The following MAPK8IP3 variants were observed in gnomAD, a reference collection of about 807,000 sequenced individuals.
MAPK8IP3 encodes the protein mitogen-activated protein kinase 8 interacting protein 3, also known as C-Jun-amino-terminal kinase-interacting protein 3.
MAPK8IP3 carries 49 observed loss-of-function variants against 157.8 expected under a neutral mutation model. The observed-to-expected ratio is 0.31, with a 90% CI of 0.25 to 0.39. MAPK8IP3 has a LOEUF of 0.39. MAPK8IP3 is among the 10% of genes least tolerant of loss of function. The pLI is 1.00. For missense variants in MAPK8IP3, 1,478 were observed against 1,889.4 expected, an observed-to-expected ratio of 0.78 and a Z score of 4.04; for synonymous variants, 897 against 777.7, an observed-to-expected ratio of 1.15 and a Z score of -2.55.
chr16:1,765,869 C>T, intron 20 of MAPK8IP3, 91 bp from the exon 21 acceptor site: 1 of 1,235,508 alleles, frequency 8.1e-7, no homozygotes, highest in South Asian at 1.4e-5. Context: ...GAAGGCCAGC[C>T]CCGGCTTCCT....
At chr16:1,764,957 T>C (rs2042171602) in intron 19 of MAPK8IP3, 56 bp from the exon 20 acceptor site, 5 of 1,551,174 alleles carry the variant, frequency 3.2e-6, no homozygotes, top group Non-Finnish European at 4.4e-6. Flanking sequence ...GGCCCTGTGC[T>C]GCCACCGGGT....
chr16:1,706,386 A>G lies in MAPK8IP3; in HGVS notation c.47A>G (p.Gln16Arg), dbSNP rs2142247524. ...GAGGGCGGCGGCGTGGTGGTGTACCAGGACGACTACTGCTCCGGCTCGGTG... is the reference window on the plus strand; with the variant it reads ...GAGGGCGGCGGCGTGGTGGTGTACCGGGACGACTACTGCTCCGGCTCGGTG... ...MDEGGGVVVYQDDYCSGSVMS... is the reference protein window; with the variant it reads ...MDEGGGVVVYRDDYCSGSVMS... The change falls in exon 1 of 32, where the codon CAG becomes CGG. Residue 16 changes from glutamine (Q) to arginine (R), a missense_variant. Transcript: ENST00000610761. The surrounding 1 kb of genome is among the most constrained non-coding windows in gnomAD (Gnocchi z 5.1). The G allele has an allele frequency of 6.2e-7, 1 of 1,612,184 alleles. No individual in the cohort carries two copies. The highest frequency in any genetic ancestry group is 8.5e-7 in the Non-Finnish European group (1 of 1,179,468).
intron 2 of MAPK8IP3, among the ~76,000 whole-genome samples, chr16:1,726,955 CGTGTGCTGTGTGCAGTGTCTGTGTGTT>C (rs1220312784): frequency 7.2e-5 from 11 of 152,072 alleles, no homozygotes; most frequent in African/African-American, 2.4e-4. Flanking sequence ...GTCTATAACT[CGTGTGCTGTGTGCAGTGTCTGTGTGTT>C]GTGTGCTGTG....
chr16:1,735,759 C>T (rs996220855), intron 4 of MAPK8IP3, among the ~76,000 whole-genome samples: 1 of 134,496 alleles, frequency 7.4e-6, no homozygotes, highest in Non-Finnish European at 1.6e-5. Context: ...ATGTGAGCAT[C>T]CGTGTGACCG....
intron 4 of MAPK8IP3, among the ~76,000 whole-genome samples, chr16:1,734,232 G>A (rs546035666): frequency 3.9e-5 from 6 of 152,398 alleles, no homozygotes; most frequent in South Asian, 2.1e-4. Context: ...TGGCGGCCCT[G>A]TCTCCCTGAG....
chr16:1,708,669 C>T (rs980128376), intron 1 of MAPK8IP3, among the ~76,000 whole-genome samples: 15 of 152,160 alleles, frequency 9.9e-5, no homozygotes, highest in Admixed American at 3.3e-4. Context: ...GCAAAGCTAT[C>T]ACCTTTAGTC....
At position 1,735,405 on chromosome 16, in the gene MAPK8IP3, C is replaced by G. The variant is rs117344899; in HGVS notation, c.602+5827C>G. On this transcript the variant is annotated intron_variant, in intron 4 of 31. Transcript: ENST00000610761. Reference sequence around the variant, plus strand: ...GCGTTCGTGTGGAACGTGTGACCGTCCATGTGAGCGTCCGTGTGACCATCC... The same window carrying G: ...GCGTTCGTGTGGAACGTGTGACCGTGCATGTGAGCGTCCGTGTGACCATCC... Among the ~76,000 whole-genome samples the G allele has an allele frequency of 4.1e-3, 617 of 151,210 alleles. 19 individuals are homozygous for G. The East Asian group carries it at 0.05, about 12-fold the overall frequency.
chr16:1,734,412 G>A (rs933937426), intron 4 of MAPK8IP3, among the ~76,000 whole-genome samples: 1 of 152,212 alleles, frequency 6.6e-6, no homozygotes, highest in African/African-American at 2.4e-5. Flanking sequence ...AGCCACCTCC[G>A]GGCTCGTGTG....
chr16:1,768,828 T>C lies in MAPK8IP3; in HGVS notation c.*4T>C. On this transcript the variant is annotated 3_prime_UTR_variant, in exon 32 of 32. Transcript: ENST00000610761. ...GGTGTCCTACACCCCCGAGTGAAGC[T>C]GCTGCCCTGCCTGGCCCGACCTGTA... The C allele has an allele frequency of 6.2e-7, 1 of 1,611,870 alleles. No individual in the cohort carries two copies. Among genetic ancestry groups the C allele is most frequent in the Non-Finnish European group, 8.5e-7 (1 of 1,179,668 alleles).
At position 1,758,176 on chromosome 16, in the gene MAPK8IP3, CCTGT is replaced by C. The variant is rs1181762396; in HGVS notation, c.1228+24_1228+27del. The stretch of plus-strand genomic sequence containing the variant: ...AGTTCTCAGGTGAGTATCTCACTCT[CCTGT>C]CTGTCTCCCCTCTGTGTGACGGGGG... On this transcript the variant is annotated intron_variant, in intron 9 of 31. Transcript: ENST00000610761. The C allele has an allele frequency of 6.8e-6, 11 of 1,613,542 alleles. No individual in the cohort carries two copies. Among genetic ancestry groups the C allele is most frequent in the Non-Finnish European group, 9.3e-6 (11 of 1,179,756 alleles).
Position 1,706,588 on chromosome 16 carries a change from G to A in MAPK8IP3, c.249G>A (p.Leu83=), listed in dbSNP as rs1323883789. ...NQEHEVELEL[L]REDNEQLLTQ... is the part of the protein sequence containing the mutation. ...AGCACGAGGTGGAGCTGGAGCTGCTGCGCGAGGACAACGAGCAGCTGCTCA... is the reference window on the plus strand; with the variant it reads ...AGCACGAGGTGGAGCTGGAGCTGCTACGCGAGGACAACGAGCAGCTGCTCA... Residue 83 remains leucine, a synonymous_variant, in exon 1 of 32, where the codon CTG becomes CTA. Coordinates refer to ENST00000610761, the MANE Select transcript of MAPK8IP3 (RefSeq NM_001318852.2). The surrounding 1 kb of genome is among the most constrained non-coding windows in gnomAD (Gnocchi z 5.1). The A allele has an allele frequency of 3.7e-6, 6 of 1,609,332 alleles. No individual in the cohort carries two copies. In the East Asian group the frequency reaches 1.3e-4, roughly 36 times the overall value.
chr16:1,712,985 C>T (rs1438028607), intron 1 of MAPK8IP3, among the ~76,000 whole-genome samples: 1 of 152,242 alleles, frequency 6.6e-6, no homozygotes, highest in Admixed American at 6.5e-5. Context: ...CCTGTTGTTT[C>T]CTTTTCTCGG....
chr16:1,752,766 A>G (rs918889209), intron 8 of MAPK8IP3, among the ~76,000 whole-genome samples: 15 of 144,400 alleles, frequency 1.0e-4, no homozygotes, highest in East Asian at 2.1e-4. Flanking sequence ...AAAAAAAAAA[A>G]AGAGAGAAGG....
chr16:1,740,981 C>T (rs2040639353), intron 4 of MAPK8IP3, among the ~76,000 whole-genome samples: 1 of 152,196 alleles, frequency 6.6e-6, no homozygotes, highest in Non-Finnish European at 1.5e-5. Context: ...CAAGCACTGC[C>T]TTGGTCACAG....
At chr16:1,744,880 T>C (rs904987240) in intron 5 of MAPK8IP3, 25 of 960,648 alleles carry the variant, frequency 2.6e-5, no homozygotes, top group Non-Finnish European at 3.0e-5. Flanking sequence ...TAAGTTCTTT[T>C]TATTTTATGC....
chr16:1,735,287 C>CGTGT (rs1312487133), intron 4 of MAPK8IP3, among the ~76,000 whole-genome samples: 1 of 143,698 alleles, frequency 7.0e-6, no homozygotes, highest in Admixed American at 6.9e-5. Context: ...TGTGAGTGTG[C>CGTGT]GACGGTCCAT....
rs2141849258 is a variant in MAPK8IP3 at position 1,743,828 on chromosome 16, G to A, written c.747+352G>A. 2 of 1,142,250 alleles carry A rather than the reference G, an allele frequency of 1.8e-6. No individual in the cohort carries two copies. Among genetic ancestry groups the A allele is most frequent in the Non-Finnish European group, 2.2e-6 (2 of 927,202 alleles). 70.8% of individuals were successfully genotyped at this position (1,142,250 alleles called of 1,614,324 possible). ...ACCACACCCCCACATAAAGCCTCAT[G>A]CTCACCCGGGCTCCAGCCAGACACA... On this transcript the variant is annotated intron_variant, in intron 5 of 31. Transcript: ENST00000610761. This position sits in a 1 kb window ranked among gnomAD's most constrained non-coding sequence, Gnocchi z 5.6.
chr16:1,742,712 G>A lies in MAPK8IP3; in HGVS notation c.603-620G>A, dbSNP rs531497606. Among the ~76,000 whole-genome samples, 1 of 152,314 alleles carries A rather than the reference G, an allele frequency of 6.6e-6. No individual in the cohort carries two copies. Among genetic ancestry groups the A allele is most frequent in the South Asian group, 2.1e-4 (1 of 4,830 alleles). On this transcript the variant is annotated intron_variant, in intron 4 of 31. Transcript: ENST00000610761. The surrounding 1 kb of genome is among the most constrained non-coding windows in gnomAD (Gnocchi z 5.0). ...GGGAGGCAGGGCTGGGCACACATAA[G>A]ACAATGGTCCTAAAAGGCATTGCTC...
chr16:1,739,756 GACCGTCCATGTGAGCGTGTC>G (rs1596668817), intron 4 of MAPK8IP3, among the ~76,000 whole-genome samples: 3 of 135,266 alleles, frequency 2.2e-5, no homozygotes, highest in African/African-American at 2.8e-5. Flanking sequence ...GTCCGTGTGT[GACCGTCCATGTGAGCGTGTC>G]ACCGTCCATG....
Sources: gnomAD v4.1 joint callset for allele counts (sites outside exome capture counted in the v4.1 genomes callset) on GRCh38, gnomAD v4.1.1 for gene constraint, Gnocchi (gnomAD v3.1) non-coding constraint, MANE v1.5 for transcripts, NCBI Gene and HGNC (gene_info 2026-07-23, HGNC 2026-07-21) for gene names.